CCDC42: variants seen among roughly 807,000 people sequenced by gnomAD.
CCDC42 encodes the protein coiled-coil domain-containing protein 42.
Under a neutral mutation model 40.8 loss-of-function variants are expected in CCDC42, and 38 were observed. The observed-to-expected ratio is 0.93, with a 90% CI of 0.72 to 1.22. The LOEUF (loss-of-function observed/expected upper bound fraction) is 1.22, where lower values mean the gene tolerates loss of function less well. Among genes scored for constraint, CCDC42 ranks in the 50% most tolerant of loss-of-function variants. The pLI, the probability that CCDC42 is intolerant of heterozygous loss-of-function variation, is 0.00. For synonymous variants in CCDC42, 135 were observed against 157.5 expected (o/e 0.86, Z 1.07); for missense variants, 379 against 416.5 (o/e 0.91, Z 0.78).
chr17:8,741,647 C>A lies in CCDC42; in HGVS notation c.319G>T (p.Ala107Ser), dbSNP rs746523334. The change falls in exon 4 of 7, where the codon GCC (alanine) becomes TCC (serine). Residue 107 changes from alanine to serine, a missense_variant. Physicochemically the swap from Ala to Ser is moderately conservative, Grantham distance 99 (BLOSUM62 1). Transcript: ENST00000293845. Reference sequence around the variant, plus strand: ...CGCTCCTTGTTGGCTTTCTTCATGGCGCGGATCCGTTTCTGGTCGTTCTCC... The same window carrying A: ...CGCTCCTTGTTGGCTTTCTTCATGGAGCGGATCCGTTTCTGGTCGTTCTCC... ...IQENDQKRIR[A>S]MKKANKEREL... 1.2e-6 allele frequency: 2 copies of A among 1,613,374 alleles called. No individual in the cohort carries two copies. Among genetic ancestry groups the A allele is most frequent in the South Asian group, 2.2e-5 (2 of 91,048 alleles).
intron 4 of CCDC42, among the ~76,000 whole-genome samples, chr17:8,737,317 C>T (rs2086618476): frequency 6.6e-6 from 1 of 152,122 alleles, no homozygotes; most frequent in Non-Finnish European, 1.5e-5. Flanking sequence ...GGTGCCAAAT[C>T]GAAGAGCCAC....
chr17:8,740,682 C>G (rs541461651), intron 4 of CCDC42, among the ~76,000 whole-genome samples: 1 of 152,008 alleles, frequency 6.6e-6, no homozygotes, highest in Non-Finnish European at 1.5e-5. Flanking sequence ...CAGTGTCAGA[C>G]GCTGCCCCCA....
chr17:8,744,729 T>C lies in CCDC42; in HGVS notation c.-120A>G. The stretch of plus-strand genomic sequence containing the variant: ...TTGTTTCTCCCTTCGGCCTACAGGG[T>C]CCCACAGATGATGGAGTTTGAGACT... On this transcript the variant is annotated 5_prime_UTR_variant, in exon 1 of 7. Transcript: ENST00000293845. The C allele has an allele frequency of 1.4e-6, 1 of 706,640 alleles. No individual in the cohort carries two copies. Among genetic ancestry groups the C allele is most frequent in the Non-Finnish European group, 2.5e-6 (1 of 397,808 alleles). The allele number at this position is 706,640 out of a possible 1,614,324, so 43.8% of individuals were successfully genotyped here. A position where few individuals can be genotyped will look rare whatever the true frequency, so the allele number is the denominator to read the frequency against.
At chr17:8,741,423 G>C (rs2086642643) in intron 4 of CCDC42, 51 bp downstream of exon 4, 3 of 1,551,918 alleles carry the variant, frequency 1.9e-6, no homozygotes, top group South Asian at 2.2e-5. Flanking sequence ...GGGGAAGAGA[G>C]GTGGGGCTGA....
At chr17:8,743,762 C>A in intron 2 of CCDC42, 32 bp from the exon 3 acceptor site, 7 of 1,282,882 alleles carry the variant, frequency 5.5e-6, no homozygotes, top group Non-Finnish European at 6.8e-6. Context: ...GCAGAGAGGT[C>A]AGGAGGGCTC....
chr17:8,735,014 G>T lies in CCDC42; in HGVS notation c.873+82C>A. Reference sequence around the variant, plus strand: ...GAGTCCCTGCTCTGCTTCTCTGTCAGGTTCATTCTTCCACCCAACCAACTG... The same window carrying T: ...GAGTCCCTGCTCTGCTTCTCTGTCATGTTCATTCTTCCACCCAACCAACTG... On this transcript the variant is annotated intron_variant, in intron 6 of 6. Transcript: ENST00000293845. The surrounding 1 kb of genome is among the most constrained non-coding windows in gnomAD (Gnocchi z 4.7). The T allele has an allele frequency of 6.8e-7, 1 of 1,465,690 alleles. No homozygotes were observed. The highest frequency in any genetic ancestry group is 1.4e-5 in the African/African-American group (1 of 72,066). 90.8% of individuals were successfully genotyped at this position (1,465,690 alleles called of 1,614,324 possible).
intron 2 of CCDC42, 60 bp downstream of exon 2, chr17:8,744,018 CA>C: frequency 7.6e-7 from 1 of 1,316,142 alleles, no homozygotes; most frequent in South Asian, 1.3e-5. Context: ...CAGGCTCTCC[CA>C]GAGCCCCAGC....
rs150697100 is a variant in CCDC42, at chr17:8,741,666, G to C, written c.300C>G (p.Asn100Lys). The C allele has an allele frequency of 1.9e-6, 3 of 1,612,144 alleles. No homozygotes were observed. In the African/African-American group the frequency reaches 4.0e-5, roughly 22 times the overall value. ...TCATGGCGCGGATCCGTTTCTGGTCGTTCTCCTGGGGCCCGGGGAGGTGGC... is the reference window on the plus strand; with the variant it reads ...TCATGGCGCGGATCCGTTTCTGGTCCTTCTCCTGGGGCCCGGGGAGGTGGC... Reference protein sequence around the residue: ...IQKSEQFIQENDQKRIRAMKK... With the variant: ...IQKSEQFIQEKDQKRIRAMKK... The change falls in exon 4 of 7, where the codon AAC becomes AAG. Residue 100 changes from asparagine to lysine, a missense_variant. Asn to Lys is a moderately conservative substitution (Grantham distance 94). Coordinates refer to ENST00000293845, the MANE Select transcript of CCDC42 (RefSeq NM_144681.3).
At chr17:8,743,015 A>G (rs11078763) in intron 3 of CCDC42, among the ~76,000 whole-genome samples, 38,463 of 152,170 alleles carry the variant, frequency 0.25, 5,503 homozygotes, top group Admixed American at 0.32. Context: ...GGTGCTTAAG[A>G]GCGGGGCTTC....
rs148549870 is a variant in CCDC42 at position 8,730,174 on chromosome 17, A to G, written c.907T>C (p.Trp303Arg). ...QQFIQDRSDI[W>R]AEVKKKEQQR... is the part of the protein sequence containing the mutation. Reference sequence around the variant, plus strand: ...TGTTCCTTCTTTTTCACCTCTGCCCAGATGTCCGACCGGTCTTGGATAAAT... The same window carrying G: ...TGTTCCTTCTTTTTCACCTCTGCCCGGATGTCCGACCGGTCTTGGATAAAT... The change falls in exon 7 of 7, where the codon TGG (tryptophan) becomes CGG (arginine). Residue 303 changes from tryptophan (W) to arginine (R), a missense_variant. Coordinates refer to ENST00000293845, the MANE Select transcript of CCDC42 (RefSeq NM_144681.3). 716 of 1,613,930 alleles carry G rather than the reference A, an allele frequency of 4.4e-4. 3 individuals are homozygous for G. The African/African-American group carries it at 7.9e-3, about 18-fold the overall frequency.
chr17:8,735,698 C>A lies in CCDC42; in HGVS notation c.493-87G>T. The stretch of plus-strand genomic sequence containing the variant: ...TCCTGCCAACCTCCAGCCTGGATGC[C>A]TGGACACCTGGACACCTGGGCAGGC... On this transcript the variant is annotated intron_variant, in intron 4 of 6. Coordinates refer to ENST00000293845, the MANE Select transcript of CCDC42 (RefSeq NM_144681.3). The surrounding 1 kb of genome is among the most constrained non-coding windows in gnomAD (Gnocchi z 4.7). 4 of 1,020,668 alleles carry A rather than the reference C, an allele frequency of 3.9e-6. No individual in the cohort carries two copies. The highest frequency in any genetic ancestry group is 5.7e-6 in the Non-Finnish European group (4 of 703,156). 63.2% of individuals were successfully genotyped at this position (1,020,668 alleles called of 1,614,324 possible). A position where few individuals can be genotyped will look rare whatever the true frequency, so the allele number is the denominator to read the frequency against.
At position 8,735,469 on chromosome 17, in the gene CCDC42, T is replaced by A; in HGVS notation, c.635A>T (p.Asp212Val). Residue 212 changes from aspartate to valine, a missense_variant, in exon 5 of 7, where the codon GAT (aspartate) becomes GTT (valine). Physicochemically the swap from Asp to Val is radical, Grantham distance 152 (BLOSUM62 -3). Coordinates refer to ENST00000293845, the MANE Select transcript of CCDC42 (RefSeq NM_144681.3). The surrounding 1 kb of genome is among the most constrained non-coding windows in gnomAD (Gnocchi z 4.7). ...RLARYMEEKDDEILQQNNELA... is the reference protein window; with the variant it reads ...RLARYMEEKDVEILQQNNELA... ...CTCATTGTTTTGCTGCAGGATCTCA[T>A]CATCCTTTTCCTCCATGTAGCGCGC... The A allele has an allele frequency of 6.2e-7, 1 of 1,614,090 alleles. No homozygotes were observed. The highest frequency in any genetic ancestry group is 1.1e-5 in the South Asian group (1 of 91,088).
chr17:8,744,574 G>C lies in CCDC42; in HGVS notation c.36C>G (p.Ala12=). ...SLGIMEEEDL[A]EYFRLQYGER... is the part of the protein sequence containing the mutation. ...CCCCATACTGCAGCCGGAAGTACTC[G>C]GCCAGGTCTTCCTCTTCCATGATGC... is the stretch of plus-strand genomic sequence containing the variant. The change falls in exon 1 of 7, where the codon GCC becomes GCG. Residue 12 remains alanine (A), a synonymous_variant. Transcript: ENST00000293845. 6.2e-7 allele frequency: 1 copy of C among 1,612,690 alleles called. No homozygotes were observed. Among genetic ancestry groups the C allele is most frequent in the Non-Finnish European group, 8.5e-7 (1 of 1,179,980 alleles).
chr17:8,735,379 G>A lies in CCDC42; in HGVS notation c.714+11C>T, dbSNP rs375820682. 174 of 1,613,310 alleles carry A rather than the reference G, an allele frequency of 1.1e-4. 1 individual carries two copies. Among genetic ancestry groups the A allele is most frequent in the Non-Finnish European group, 5.1e-5 (60 of 1,179,896 alleles). Reference sequence around the variant, plus strand: ...TGCCTGGGAGCCCCCGGCCCGCCCCGGGCCCCTCACCCAGAAGATGACATT... The same window carrying A: ...TGCCTGGGAGCCCCCGGCCCGCCCCAGGCCCCTCACCCAGAAGATGACATT... On this transcript the variant is annotated intron_variant, in intron 5 of 6. Coordinates refer to ENST00000293845, the MANE Select transcript of CCDC42 (RefSeq NM_144681.3). This position sits in a 1 kb window ranked among gnomAD's most constrained non-coding sequence, Gnocchi z 4.7.
chr17:8,730,008 G>T lies in CCDC42; in HGVS notation c.*122C>A. On this transcript the variant is annotated 3_prime_UTR_variant, in exon 7 of 7. Transcript: ENST00000293845. ...TGAGGCCCACGGGGGAAAATAAGCA[G>T]GTGTCCCTCAGCAGGAAGGCACAGC... 1 of 787,196 alleles carries T rather than the reference G, an allele frequency of 1.3e-6. No homozygotes were observed. 48.8% of individuals were successfully genotyped at this position (787,196 alleles called of 1,614,324 possible).
At chr17:8,731,410 A>G (rs2086579022) in intron 6 of CCDC42, among the ~76,000 whole-genome samples, 1 of 152,194 alleles carries the variant, frequency 6.6e-6, no homozygotes, top group South Asian at 2.1e-4. Flanking sequence ...CTTGTTATAT[A>G]CCCAAAGGAA....
intron 6 of CCDC42, among the ~76,000 whole-genome samples, chr17:8,732,048 C>T (rs2086583907): frequency 6.6e-6 from 1 of 151,950 alleles, no homozygotes; most frequent in African/African-American, 2.4e-5. Context: ...AGCCTGTAAT[C>T]CCAGCACTTT....
At chr17:8,744,028 G>GC in intron 2 of CCDC42, 51 bp downstream of exon 2, 5 of 1,220,572 alleles carry the variant, frequency 4.1e-6, no homozygotes, top group Middle Eastern at 1.9e-4. Context: ...CAGAGCCCCA[G>GC]CCCACCCCCT....
At chr17:8,739,156 G>A (rs771938124) in intron 4 of CCDC42, among the ~76,000 whole-genome samples, 2 of 152,204 alleles carry the variant, frequency 1.3e-5, no homozygotes, top group Non-Finnish European at 2.9e-5. Context: ...AGGCTGGCCA[G>A]GAACGACGCC....
Sources: gnomAD v4.1 joint callset for allele counts (sites outside exome capture counted in the v4.1 genomes callset) on GRCh38, gnomAD v4.1.1 for gene constraint, Gnocchi (gnomAD v3.1) non-coding constraint, MANE v1.5 for transcripts, NCBI Gene and HGNC (gene_info 2026-07-23, HGNC 2026-07-21) for gene names.